STIM2: variants seen among roughly 807,000 people sequenced by gnomAD.
The protein encoded by STIM2 is stromal interaction molecule 2.
Under a neutral mutation model 85.8 loss-of-function variants are expected in STIM2, and 31 were observed. The ratio of observed to expected loss-of-function variants is 0.36; its 90% CI spans 0.27 to 0.49. The LOEUF is 0.49. Ranked by LOEUF, STIM2 falls within the 20% of genes least tolerant of loss-of-function variation. The pLI, the probability that STIM2 is intolerant of heterozygous loss-of-function variation, is 0.98. For synonymous variants in STIM2, 356 were observed against 331.1 expected, an observed-to-expected ratio of 1.08 and a Z score of -0.82; for missense variants, 841 against 927.6, an observed-to-expected ratio of 0.91 and a Z score of 1.21.
intron 1 of STIM2, among the ~76,000 whole-genome samples, chr4:26,915,974 T>A (rs1724563932): frequency 6.6e-6 from 1 of 152,182 alleles, no homozygotes; most frequent in Admixed American, 6.5e-5. Context: ...TGGGGCATTT[T>A]GGGTAGCTAA....
chr4:26,929,270 T>C (rs116291308), intron 2 of STIM2, among the ~76,000 whole-genome samples: 2,599 of 152,296 alleles, frequency 0.017, 80 homozygotes, highest in African/African-American at 0.06. Flanking sequence ...TTAGCACTGA[T>C]CTAGGCTCTG....
intron 1 of STIM2, among the ~76,000 whole-genome samples, chr4:26,876,703 T>C (rs1414933201): frequency 1.3e-5 from 2 of 152,190 alleles, no homozygotes; most frequent in Non-Finnish European, 2.9e-5. Flanking sequence ...GTATAGTCAA[T>C]GTCTTCATTG....
At chr4:26,950,717 A>G (rs1269891642) in intron 2 of STIM2, among the ~76,000 whole-genome samples, 2 of 152,210 alleles carry the variant, frequency 1.3e-5, no homozygotes, top group East Asian at 1.9e-4. Context: ...ATTCTGTTAT[A>G]GCAGCACAAA....
chr4:27,012,647 A>G (rs989366273), intron 10 of STIM2, among the ~76,000 whole-genome samples: 1 of 152,058 alleles, frequency 6.6e-6, no homozygotes, highest in African/African-American at 2.4e-5. Flanking sequence ...TAATACTAGT[A>G]GATTTTTTCC....
chr4:26,914,604 A>G (rs953898331), intron 1 of STIM2, among the ~76,000 whole-genome samples: 54 of 152,344 alleles, frequency 3.5e-4, no homozygotes, highest in African/African-American at 1.3e-3. Flanking sequence ...ACATAAATGA[A>G]TTGTATTTAG....
At chr4:26,932,437 T>A (rs189621977) in intron 2 of STIM2, among the ~76,000 whole-genome samples, 8 of 152,324 alleles carry the variant, frequency 5.3e-5, no homozygotes, top group Admixed American at 3.3e-4. Flanking sequence ...TCAGTGACTT[T>A]AACATAACTC....
chr4:26,883,004 A>ATTTTTTT (rs140871540), intron 1 of STIM2, among the ~76,000 whole-genome samples: 1 of 139,290 alleles, frequency 7.2e-6, no homozygotes, highest in Non-Finnish European at 1.5e-5. Context: ...TACCTGGCTA[A>ATTTTTTT]TTTTTTTTTT....
chr4:27,008,400 G>T, intron 8 of STIM2, 28 bp from the exon 9 acceptor site: 1 of 1,415,680 alleles, frequency 7.1e-7, no homozygotes, highest in Non-Finnish European at 9.6e-7. Context: ...TTCAAACCTA[G>T]CCTTATTTAG....
intron 1 of STIM2, among the ~76,000 whole-genome samples, chr4:26,878,973 C>T (rs2109034561): frequency 6.6e-6 from 1 of 152,326 alleles, no homozygotes; most frequent in South Asian, 2.1e-4. Flanking sequence ...ATGAGGATTA[C>T]AGTTGGGGGT....
Position 27,022,902 on chromosome 4 carries a change from G to A in STIM2, c.2147G>A (p.Arg716Lys), listed in dbSNP as rs147362228. 661 of 1,614,160 alleles carry A rather than the reference G, an allele frequency of 4.1e-4. No homozygotes were observed. The highest frequency in any genetic ancestry group is 5.3e-4 in the Non-Finnish European group (622 of 1,180,024). Residue 716 changes from arginine to lysine, a missense_variant, in exon 12 of 12, where the codon AGA becomes AAA. Around this residue, in one of 3 missense-constraint regions of STIM2, gnomAD observed 293 missense variants for 284.5 expected, o/e 1.03. Coordinates refer to ENST00000467087, the MANE Select transcript of STIM2 (RefSeq NM_020860.4). ...GTTCAGGAAGCCCCAAGTGTTGCCA[G>A]AATAAGCAGCATCCCACATGACCTT...
intron 2 of STIM2, among the ~76,000 whole-genome samples, chr4:26,957,201 T>C (rs1249530537): frequency 6.6e-6 from 1 of 152,176 alleles, no homozygotes; most frequent in Admixed American, 6.5e-5. Flanking sequence ...TTGTAATATA[T>C]TGTTTAGGGA....
intron 3 of STIM2, among the ~76,000 whole-genome samples, chr4:26,972,384 A>T (rs983143962): frequency 8.5e-5 from 13 of 152,244 alleles, no homozygotes; most frequent in African/African-American, 2.9e-4. Flanking sequence ...GGTTTGTCAT[A>T]AATAGCTCTT....
chr4:26,921,350 G>T (rs1327351063), intron 2 of STIM2, among the ~76,000 whole-genome samples: 2 of 152,144 alleles, frequency 1.3e-5, no homozygotes, highest in Admixed American at 6.5e-5. Context: ...TTTCTATCGT[G>T]GTAAGCCATC....
At chr4:26,895,342 T>C (rs1723658726) in intron 1 of STIM2, among the ~76,000 whole-genome samples, 2 of 152,246 alleles carry the variant, frequency 1.3e-5, no homozygotes, top group South Asian at 4.1e-4. Flanking sequence ...TCCTAGGTAC[T>C]GTATTTATTC....
chr4:26,872,138 TTGAG>T (rs1480576084), intron 1 of STIM2, among the ~76,000 whole-genome samples: 1 of 152,192 alleles, frequency 6.6e-6, no homozygotes, highest in Non-Finnish European at 1.5e-5. Context: ...CTTTGATTTA[TTGAG>T]TGTTATTAAG....
chr4:26,863,926 T>G (rs1344565408), intron 1 of STIM2, among the ~76,000 whole-genome samples: 1 of 152,122 alleles, frequency 6.6e-6, no homozygotes, highest in Non-Finnish European at 1.5e-5. Flanking sequence ...AGAAGCTCCC[T>G]AAGAGTTAGC....
chr4:26,915,103 G>C (rs773422726), intron 1 of STIM2, among the ~76,000 whole-genome samples: 6 of 152,230 alleles, frequency 3.9e-5, no homozygotes, highest in Non-Finnish European at 7.3e-5. Context: ...AGTTACTCAT[G>C]AGTCTTACTT....
chr4:27,002,487 T>G, intron 6 of STIM2, 93 bp downstream of exon 6: 1 of 945,750 alleles, frequency 1.1e-6, no homozygotes, highest in South Asian at 1.8e-5. Context: ...TACATTTAGG[T>G]TATTATACAC....
At chr4:26,978,278 T>A (rs1727271332) in intron 3 of STIM2, among the ~76,000 whole-genome samples, 1 of 148,230 alleles carries the variant, frequency 6.7e-6, no homozygotes, top group Non-Finnish European at 1.5e-5. Context: ...ATCATATATA[T>A]ATTTTCATAT....
Sources: gnomAD v4.1 joint callset for allele counts (sites outside exome capture counted in the v4.1 genomes callset) on GRCh38, gnomAD v4.1.1 for gene constraint, gnomAD v4.1.1 regional missense constraint, MANE v1.5 for transcripts, NCBI Gene and HGNC (gene_info 2026-07-23, HGNC 2026-07-21) for gene names.